The following MIR17HG variants were observed in gnomAD, a reference collection of about 807,000 sequenced individuals.
The protein encoded by MIR17HG is miR-17-92a-1 cluster host gene.
At chr13:91,353,779 A>ATT in intron 3 of MIR17HG, among the ~76,000 whole-genome samples, 1 of 141,330 alleles carries the variant, frequency 7.1e-6, no homozygotes, top group African/African-American at 2.8e-5. Context: ...AAATGGGTCA[A>ATT]CTTTTTTTTT....
At chr13:91,347,706 C>G (rs1875026602), upstream of MIR17HG, 1 of 152,892 alleles carries the variant, frequency 6.5e-6, no homozygotes, top group Non-Finnish European at 1.5e-5. Context: ...CATGGTCCTT[C>G]GAGGTGCCGC....
chr13:91,350,926 A>T (rs1341300736), intron 3 of MIR17HG: 1 of 534,536 alleles, frequency 1.9e-6, no homozygotes, highest in Non-Finnish European at 3.8e-6. Flanking sequence ...TTGCACTACA[A>T]GAAGAATGTA....
intron 3 of MIR17HG, chr13:91,350,550 C>G (rs1875251115): frequency 1.9e-6 from 1 of 532,434 alleles, no homozygotes; most frequent in African/African-American, 1.9e-5. Flanking sequence ...TTATCTATTT[C>G]AAATTTAGCA....
At chr13:91,348,972 C>T (rs1197418148) in intron 1 of MIR17HG, among the ~76,000 whole-genome samples, 2 of 150,150 alleles carry the variant, frequency 1.3e-5, no homozygotes, top group Non-Finnish European at 3.0e-5. Flanking sequence ...GCGTCCCCGC[C>T]GCACTCGGGC....
At chr13:91,351,641 T>TA (rs1875320959) in intron 3 of MIR17HG, 1 of 298,092 alleles carries the variant, frequency 3.4e-6, no homozygotes, top group South Asian at 3.0e-5. Flanking sequence ...TGACTAAACA[T>TA]ACTGTATACC....
chr13:91,353,218 G>A (rs1356075127), intron 3 of MIR17HG, among the ~76,000 whole-genome samples: 1 of 151,346 alleles, frequency 6.6e-6, no homozygotes, highest in Non-Finnish European at 1.5e-5. Flanking sequence ...TTAAAAACTG[G>A]AACAGTGTGA....
At chr13:91,350,697 C>T (rs1449997867) in intron 3 of MIR17HG, 1 of 533,884 alleles carries the variant, frequency 1.9e-6, no homozygotes, top group Non-Finnish European at 3.9e-6. Context: ...ACAGCTGCCT[C>T]GGGAAGCCAA....
At chr13:91,348,146 C>T (rs1416221468) in intron 1 of MIR17HG, among the ~76,000 whole-genome samples, 1 of 99,402 alleles carries the variant, frequency 1.0e-5, no homozygotes, top group Non-Finnish European at 2.2e-5. Context: ...CCCCCTCGCT[C>T]GCCCGCGGGC....
At chr13:91,353,423 G>A (rs1875426439) in intron 3 of MIR17HG, among the ~76,000 whole-genome samples, 1 of 152,176 alleles carries the variant, frequency 6.6e-6, no homozygotes, top group African/African-American at 2.4e-5. Context: ...TGTGGGTTTG[G>A]TAGTGATCTG....
At chr13:91,347,789 C>T (rs1296002092), upstream of MIR17HG, 1 of 151,586 alleles carries the variant, frequency 6.6e-6, no homozygotes, top group East Asian at 1.9e-4. Flanking sequence ...GGACGACTAC[C>T]GCAGCGCCGC....
At chr13:91,351,560 C>T in intron 3 of MIR17HG, 2 of 330,848 alleles carry the variant, frequency 6.0e-6, no homozygotes, top group South Asian at 5.0e-5. Context: ...GGTTGCGTGT[C>T]AGATTTGGCA....
At chr13:91,348,300 A>C (rs1397531558) in intron 1 of MIR17HG, among the ~76,000 whole-genome samples, 2 of 148,416 alleles carry the variant, frequency 1.3e-5, no homozygotes. Context: ...CCTCGGGGAG[A>C]GGACGTGCGA....
exon 2 of MIR17HG, chr13:91,349,754 G>T (rs574998349): frequency 6.6e-6 from 1 of 152,304 alleles, no homozygotes; most frequent in South Asian, 2.1e-4. Flanking sequence ...TGCTGAAAAG[G>T]AAGTTTTCTG....
At chr13:91,354,091 T>A (rs1279220324) in exon 4 of MIR17HG, 1 of 152,406 alleles carries the variant, frequency 6.6e-6, no homozygotes, top group Non-Finnish European at 1.5e-5. Flanking sequence ...ATTGACAGTT[T>A]TGCATAGTTT....
At chr13:91,348,671 G>A (rs1169352882) in intron 1 of MIR17HG, among the ~76,000 whole-genome samples, 2 of 150,802 alleles carry the variant, frequency 1.3e-5, no homozygotes, top group Non-Finnish European at 3.0e-5. Flanking sequence ...GGAGGAGGCC[G>A]CAGTCGGCCT....
At chr13:91,350,501 A>G (rs1875247322) in intron 3 of MIR17HG, 1 of 497,642 alleles carries the variant, frequency 2.0e-6, no homozygotes, top group East Asian at 5.6e-5. Flanking sequence ...CTGAATTTGT[A>G]TGGTTTATAG....
chr13:91,354,183 T>C (rs557741269), exon 4 of MIR17HG: 3 of 152,112 alleles, frequency 2.0e-5, no homozygotes, highest in African/African-American at 7.3e-5. Context: ...CAGTTTTTAG[T>C]GTTTGATGGA....
intron 1 of MIR17HG, among the ~76,000 whole-genome samples, chr13:91,349,039 C>G (rs892929221): frequency 1.3e-5 from 2 of 151,490 alleles, no homozygotes; most frequent in Non-Finnish European, 1.5e-5. Context: ...GGGGGGTTGC[C>G]GCGTCCGGCG....
At chr13:91,348,411 AGCGGCG>A (rs1053880380) in intron 1 of MIR17HG, among the ~76,000 whole-genome samples, 14 of 146,854 alleles carry the variant, frequency 9.5e-5, no homozygotes, top group Non-Finnish European at 1.7e-4. Context: ...TCCAGAACAA[AGCGGCG>A]GCGGCGGCGG....
Sources: allele counts gnomAD v4.1 joint callset (sites outside exome capture counted in the v4.1 genomes callset), GRCh38; gene constraint gnomAD v4.1.1; transcripts MANE v1.5; gene names NCBI Gene and HGNC (gene_info 2026-07-23, HGNC 2026-07-21).